The following SCAPER variants were observed in gnomAD, a reference collection of about 807,000 sequenced individuals.
The protein encoded by SCAPER is S phase cyclin A-associated protein in the endoplasmic reticulum.
Under a neutral mutation model 182.2 loss-of-function variants are expected in SCAPER, and 98 were observed. The ratio of observed to expected loss-of-function variants is 0.54; its 90% CI spans 0.46 to 0.64. The LOEUF (loss-of-function observed/expected upper bound fraction) is 0.64. Ranked by LOEUF, SCAPER falls within the 30% of genes least tolerant of loss-of-function variation. The pLI is 0.00. For synonymous variants in SCAPER, 605 were observed against 564.6 expected, an observed-to-expected ratio of 1.07 and a Z score of -1.01; for missense variants, 1,432 against 1,690.0, an observed-to-expected ratio of 0.85 and a Z score of 2.68.
intron 24 of SCAPER, among the ~76,000 whole-genome samples, chr15:76,491,172 A>G (rs1195668505): frequency 1.3e-5 from 2 of 152,194 alleles, no homozygotes; most frequent in Non-Finnish European, 2.9e-5. Context: ...CCATTGCTCT[A>G]TATGCCTGTC....
chr15:76,632,134 C>T (rs2146258355), intron 21 of SCAPER, among the ~76,000 whole-genome samples: 1 of 152,282 alleles, frequency 6.6e-6, no homozygotes, highest in African/African-American at 2.4e-5. Flanking sequence ...TCAGCTCCAT[C>T]AGGTCATTTA....
intron 8 of SCAPER, among the ~76,000 whole-genome samples, chr15:76,783,734 A>T (rs2064347198): frequency 1.3e-5 from 2 of 152,182 alleles, no homozygotes; most frequent in South Asian, 4.1e-4. Flanking sequence ...GGTTCAACAT[A>T]CACAAATCAA....
rs184797527 is a variant in SCAPER at position 76,818,272 on chromosome 15, C to T, written c.394-13639G>A. Among the ~76,000 whole-genome samples the T allele has an allele frequency of 2.6e-5, 4 of 152,274 alleles. No homozygotes were observed. The East Asian group carries it at 5.8e-4, about 22-fold the overall frequency. On this transcript the variant is annotated intron_variant, in intron 5 of 31. Transcript: ENST00000563290. Reference sequence around the variant, plus strand: ...AAAACTAATGAATCTAGACACAGAACTTATAATCTTCACAAAAATTAACTC... The same window carrying T: ...AAAACTAATGAATCTAGACACAGAATTTATAATCTTCACAAAAATTAACTC...
At chr15:76,526,739 T>C (rs753389841) in intron 23 of SCAPER, among the ~76,000 whole-genome samples, 1 of 152,096 alleles carries the variant, frequency 6.6e-6, no homozygotes, top group Non-Finnish European at 1.5e-5. Context: ...CTTCCTAGAG[T>C]TCAGTTTTTA....
intron 21 of SCAPER, among the ~76,000 whole-genome samples, chr15:76,663,232 ACCACTACATTC>A (rs1242406878): frequency 6.6e-6 from 1 of 152,164 alleles, no homozygotes; most frequent in Admixed American, 6.6e-5. Context: ...ACAACGAGAT[ACCACTACATTC>A]CCACTAGAAC....
intron 24 of SCAPER, among the ~76,000 whole-genome samples, chr15:76,495,990 AG>A (rs2143540837): frequency 4.5e-5 from 1 of 22,184 alleles, no homozygotes; most frequent in East Asian, 0.031. Flanking sequence ...AGCAAAAGAG[AG>A]AGACACACAC....
chr15:76,619,667 C>T (rs1215944696), intron 22 of SCAPER, among the ~76,000 whole-genome samples: 3 of 151,950 alleles, frequency 2.0e-5, no homozygotes, highest in Admixed American at 6.6e-5. Flanking sequence ...TATACATGTG[C>T]CATGCTGGTG....
At chr15:76,384,317 A>T (rs2043156071) in intron 27 of SCAPER, among the ~76,000 whole-genome samples, 1 of 152,244 alleles carries the variant, frequency 6.6e-6, no homozygotes, top group African/African-American at 2.4e-5. Flanking sequence ...TAAACTGATT[A>T]TCAGCATATT....
chr15:76,891,665 G>C (rs1397203690), intron 1 of SCAPER, among the ~76,000 whole-genome samples: 1 of 151,998 alleles, frequency 6.6e-6, no homozygotes, highest in Non-Finnish European at 1.5e-5. Flanking sequence ...AAATAAAAGA[G>C]GACACAAACA....
intron 23 of SCAPER, among the ~76,000 whole-genome samples, chr15:76,552,923 A>G (rs978554386): frequency 1.3e-5 from 2 of 152,150 alleles, no homozygotes; most frequent in Non-Finnish European, 2.9e-5. Context: ...GCCGCTTCCA[A>G]TGTTCAACCA....
At chr15:76,813,793 A>G (rs2066857167) in intron 5 of SCAPER, among the ~76,000 whole-genome samples, 1 of 152,202 alleles carries the variant, frequency 6.6e-6, no homozygotes, top group South Asian at 2.1e-4. Flanking sequence ...ACTATAAAAC[A>G]TTGATTAAAG....
intron 22 of SCAPER, among the ~76,000 whole-genome samples, chr15:76,600,120 A>G (rs1256133088): frequency 2.5e-5 from 3 of 121,410 alleles, no homozygotes; most frequent in African/African-American, 7.5e-5. Context: ...TAGAGGATAC[A>G]TAAGTTTCCA....
chr15:76,815,117 C>T (rs922292244), intron 5 of SCAPER, among the ~76,000 whole-genome samples: 1 of 152,086 alleles, frequency 6.6e-6, no homozygotes, highest in Non-Finnish European at 1.5e-5. Flanking sequence ...ATAATAACAA[C>T]TGTTGGCCAG....
Position 76,765,418 on chromosome 15 carries a change from T to G in SCAPER, c.1532A>C (p.Asp511Ala). ...TCTAGCAGGTTCTTCTTCTACAATG[T>G]CCCCCCAGGATGTATTTTGGCGCCA... is the stretch of plus-strand genomic sequence containing the variant. ...ESWRQNTSWG[D>A]IVEEEPARPP... Residue 511 changes from aspartate (D) to alanine (A), a missense_variant, in exon 13 of 32, where the codon GAC becomes GCC. Transcript: ENST00000563290. 1.2e-6 allele frequency: 2 copies of G among 1,613,760 alleles called. No individual in the cohort carries two copies. The highest frequency in any genetic ancestry group is 1.1e-5 in the South Asian group (1 of 91,070).
intron 10 of SCAPER, among the ~76,000 whole-genome samples, chr15:76,767,701 A>G (rs1392518435): frequency 6.6e-6 from 1 of 152,190 alleles, no homozygotes; most frequent in Non-Finnish European, 1.5e-5. Flanking sequence ...TTATTAAAAA[A>G]TTAAAAATGG....
At chr15:76,527,029 G>A (rs1191461379) in intron 23 of SCAPER, among the ~76,000 whole-genome samples, 1 of 151,766 alleles carries the variant, frequency 6.6e-6, no homozygotes, top group Non-Finnish European at 1.5e-5. Flanking sequence ...CCAACACCAT[G>A]ACTGGCTAAT....
chr15:76,363,108 T>C (rs570739103), intron 29 of SCAPER, among the ~76,000 whole-genome samples: 1 of 152,324 alleles, frequency 6.6e-6, no homozygotes, highest in African/African-American at 2.4e-5. Flanking sequence ...AGCAGTTGTT[T>C]AGGCAAAGAC....
intron 22 of SCAPER, among the ~76,000 whole-genome samples, chr15:76,609,766 GT>G (rs1291504789): frequency 1.3e-5 from 2 of 152,164 alleles, no homozygotes; most frequent in African/African-American, 4.8e-5. Flanking sequence ...TCAGCCTTTA[GT>G]AAAATCATGG....
At chr15:76,641,236 G>T (rs1218984303) in intron 21 of SCAPER, among the ~76,000 whole-genome samples, 1 of 152,104 alleles carries the variant, frequency 6.6e-6, no homozygotes, top group East Asian at 1.9e-4. Flanking sequence ...TCTGTTTTAA[G>T]GCTCTGTTAG....
Sources: allele counts gnomAD v4.1 joint callset (sites outside exome capture counted in the v4.1 genomes callset), GRCh38; gene constraint gnomAD v4.1.1; transcripts MANE v1.5; gene names NCBI Gene and HGNC (gene_info 2026-07-23, HGNC 2026-07-21).